Variants in MYO1E observed in about 807,000 individuals in gnomAD.
MYO1E encodes myosin IE.
A neutral mutation model predicts 151.1 loss-of-function variants in MYO1E; 68 were observed. That is an observed-to-expected ratio of 0.45 (90% CI 0.37 to 0.55). The LOEUF is 0.55. Ranked by LOEUF, MYO1E falls within the 20% of genes least tolerant of loss-of-function variation. The probability of loss-of-function intolerance (pLI) is 0.00; values close to 1 mark genes in which losing one functional copy is unlikely to be tolerated. For synonymous variants in MYO1E, 601 were observed against 501.7 expected (o/e 1.20, Z -2.64); for missense variants, 1,363 against 1,389.3 (o/e 0.98, Z 0.30).
At chr15:59,222,378 T>A (rs915482536) in intron 9 of MYO1E, among the ~76,000 whole-genome samples, 24 of 152,234 alleles carry the variant, frequency 1.6e-4, no homozygotes, top group African/African-American at 4.8e-4. Context: ...TGTGCCGCTG[T>A]ATTTATGGTA....
chr15:59,222,053 A>G (rs1331694665), intron 9 of MYO1E, among the ~76,000 whole-genome samples: 2 of 152,192 alleles, frequency 1.3e-5, no homozygotes, highest in Non-Finnish European at 2.9e-5. Flanking sequence ...GACACCCTGT[A>G]TATTTATTGT....
At chr15:59,193,059 G>A (rs966884058) in intron 17 of MYO1E, among the ~76,000 whole-genome samples, 13 of 66,372 alleles carry the variant, frequency 2.0e-4, no homozygotes, top group African/African-American at 3.4e-4. Flanking sequence ...GGTCAGCACC[G>A]GGACACAGTC....
intron 1 of MYO1E, among the ~76,000 whole-genome samples, chr15:59,283,899 G>A (rs1485233858): frequency 2.0e-5 from 3 of 152,182 alleles, no homozygotes; most frequent in Admixed American, 1.3e-4. Context: ...TATGTGTCAC[G>A]TATCAACTTC....
intron 1 of MYO1E, among the ~76,000 whole-genome samples, chr15:59,330,351 G>A (rs752330707): frequency 9.2e-5 from 14 of 152,060 alleles, no homozygotes; most frequent in Admixed American, 3.9e-4. Flanking sequence ...GCTCACCCTC[G>A]AATCCAGTTT....
chr15:59,258,096 C>T (rs546098841), intron 3 of MYO1E, among the ~76,000 whole-genome samples: 1 of 152,216 alleles, frequency 6.6e-6, no homozygotes, highest in East Asian at 1.9e-4. Flanking sequence ...CCTGTAATCT[C>T]AGCACTTTGG....
At chr15:59,236,369 T>TATAC (rs1392466770) in intron 5 of MYO1E, among the ~76,000 whole-genome samples, 24 of 117,750 alleles carry the variant, frequency 2.0e-4, no homozygotes, top group African/African-American at 6.1e-4. Flanking sequence ...AAAAAATATA[T>TATAC]ACACACACAC....
chr15:59,289,143 G>T (rs2080404841), intron 1 of MYO1E, among the ~76,000 whole-genome samples: 2 of 152,138 alleles, frequency 1.3e-5, no homozygotes, highest in African/African-American at 4.8e-5. Context: ...CTGGAACCAG[G>T]ACTAGAACTC....
At chr15:59,229,578 C>T (rs534181590) in intron 6 of MYO1E, among the ~76,000 whole-genome samples, 2 of 152,294 alleles carry the variant, frequency 1.3e-5, no homozygotes, top group East Asian at 1.9e-4. Context: ...AGTTTCACCT[C>T]GACTCTTGGT....
At position 59,242,115 on chromosome 15, in the gene MYO1E, T is replaced by G. The variant is rs116035238; in HGVS notation, c.333-5443A>C. ...ATTTCGTGCTACATTTTATATAGAC[T>G]CTAGACTTCCATTTTCTCAAGGCAG... On this transcript the variant is annotated intron_variant, in intron 4 of 27. Coordinates refer to ENST00000288235, the MANE Select transcript of MYO1E (RefSeq NM_004998.4). 5.9e-3 allele frequency among the ~76,000 whole-genome samples: 892 copies of G among 152,272 alleles called. 7 individuals are homozygous for G. Among genetic ancestry groups the G allele is most frequent in the African/African-American group, 0.021 (854 of 41,558 alleles).
At chr15:59,206,281 T>TA (rs1212279482) in intron 14 of MYO1E, among the ~76,000 whole-genome samples, 1 of 152,274 alleles carries the variant, frequency 6.6e-6, no homozygotes, top group African/African-American at 2.4e-5. Context: ...CTAATACATG[T>TA]AGCAGGGTGA....
intron 9 of MYO1E, among the ~76,000 whole-genome samples, chr15:59,221,021 A>T (rs1003887384): frequency 1.4e-4 from 20 of 146,186 alleles, no homozygotes; most frequent in Admixed American, 3.5e-4. Flanking sequence ...TATATATATA[A>T]AATTTATATA....
intron 25 of MYO1E, among the ~76,000 whole-genome samples, chr15:59,155,376 C>T (rs1281778248): frequency 6.6e-6 from 1 of 152,132 alleles, no homozygotes; most frequent in African/African-American, 2.4e-5. Context: ...TTGTAACATA[C>T]AAATACATGG....
At chr15:59,293,704 A>T (rs1567005754) in intron 1 of MYO1E, among the ~76,000 whole-genome samples, 1 of 152,212 alleles carries the variant, frequency 6.6e-6, no homozygotes. Context: ...GAAGCCCTCA[A>T]AAGTTTTTTC....
rs1596337331 is a variant in MYO1E, at chr15:59,137,430, G to A, written c.3277C>T (p.Leu1093=). The part of the protein sequence containing the change: ...EDPSGWWTGR[L]RGKQGLFPNN... ...GGGAACAGGCCCTGCTTGCCTCGTA[G>A]TCGACCCGTCCACCAGCCAGAAGGA... The change falls in exon 28 of 28, where the codon CTA becomes TTA. Residue 1093 remains leucine (L), a synonymous_variant. Transcript: ENST00000288235. The A allele has an allele frequency of 6.2e-7, 1 of 1,614,156 alleles. No homozygotes were observed. The highest frequency in any genetic ancestry group is 8.5e-7 in the Non-Finnish European group (1 of 1,180,012).
intron 4 of MYO1E, among the ~76,000 whole-genome samples, chr15:59,250,779 G>T (rs2140367115): frequency 6.6e-6 from 1 of 152,230 alleles, no homozygotes; most frequent in Admixed American, 6.5e-5. Flanking sequence ...CTAAATTAAA[G>T]CACATCTCCT....
intron 19 of MYO1E, among the ~76,000 whole-genome samples, chr15:59,177,158 G>A (rs1341239598): frequency 6.6e-6 from 1 of 152,142 alleles, no homozygotes; most frequent in Non-Finnish European, 1.5e-5. Context: ...GTTGCTTAAT[G>A]GCGAATGACA....
chr15:59,152,513 GTC>G (rs1719855723), intron 26 of MYO1E, among the ~76,000 whole-genome samples: 1 of 152,158 alleles, frequency 6.6e-6, no homozygotes, highest in South Asian at 2.1e-4. Context: ...TTCCTTACAA[GTC>G]TCTAGTTCAA....
In MYO1E at chr15:59,224,812, G is replaced by C; in HGVS notation, c.654C>G (p.Gly218=). ...SFHIFYQLIE[G]ASAEQKHSLG... is the part of the protein sequence containing the mutation. ...GGCTGTGTTTCTGCTCTGCAGAGGCGCCCTCGATGAGCTGGAGCAAGAGAA... is the reference window on the plus strand; with the variant it reads ...GGCTGTGTTTCTGCTCTGCAGAGGCCCCCTCGATGAGCTGGAGCAAGAGAA... The change falls in exon 8 of 28, where the codon GGC becomes GGG. Residue 218 remains glycine (G), a synonymous_variant. Transcript: ENST00000288235. The C allele has an allele frequency of 6.2e-7, 1 of 1,614,170 alleles. No individual in the cohort carries two copies. The highest frequency in any genetic ancestry group is 8.5e-7 in the Non-Finnish European group (1 of 1,180,034).
At chr15:59,149,723 A>G (rs749574939) in intron 26 of MYO1E, among the ~76,000 whole-genome samples, 16 of 152,156 alleles carry the variant, frequency 1.1e-4, no homozygotes, top group Non-Finnish European at 1.5e-4. Flanking sequence ...ATTACAGAAA[A>G]AGTGCACTGA....
Sources: gnomAD v4.1 joint callset for allele counts (sites outside exome capture counted in the v4.1 genomes callset) on GRCh38, gnomAD v4.1.1 for gene constraint, MANE v1.5 for transcripts, NCBI Gene and HGNC (gene_info 2026-07-23, HGNC 2026-07-21) for gene names.